KCTD8: variants seen among roughly 807,000 people sequenced by gnomAD.
KCTD8 encodes the protein BTB/POZ domain-containing protein KCTD8.
KCTD8 carries 27 observed loss-of-function variants against 31.5 expected under a neutral mutation model. That is an observed-to-expected ratio of 0.86 (90% CI 0.63 to 1.18). The LOEUF is 1.18. Among genes scored for constraint, KCTD8 ranks in the 50% most tolerant of loss-of-function variants. The pLI is 0.00. For missense variants in KCTD8, 658 were observed against 647.7 expected (o/e 1.02, Z -0.17); for synonymous variants, 290 against 280.0 (o/e 1.04, Z -0.36).
At chr4:44,253,434 G>A (rs1411877467) in intron 1 of KCTD8, among the ~76,000 whole-genome samples, 1 of 151,818 alleles carries the variant, frequency 6.6e-6, no homozygotes, top group Non-Finnish European at 1.5e-5. Context: ...CTATCTCACT[G>A]ATGGTGGAGT....
At chr4:44,409,416 C>A (rs1720898549) in intron 1 of KCTD8, among the ~76,000 whole-genome samples, 1 of 151,960 alleles carries the variant, frequency 6.6e-6, no homozygotes, top group Non-Finnish European at 1.5e-5. Context: ...GTTTGCCTCC[C>A]CTAATAGGCA....
chr4:44,310,696 A>C (rs1233913933), intron 1 of KCTD8, among the ~76,000 whole-genome samples: 1 of 152,168 alleles, frequency 6.6e-6, no homozygotes, highest in Non-Finnish European at 1.5e-5. Context: ...ATTAGTTACC[A>C]CCAATGTGCA....
chr4:44,363,762 G>T (rs1485731874), intron 1 of KCTD8, among the ~76,000 whole-genome samples: 1 of 152,042 alleles, frequency 6.6e-6, no homozygotes, highest in African/African-American at 2.4e-5. Flanking sequence ...ATTCATATCT[G>T]CACTTAAATC....
chr4:44,355,323 G>A (rs1235817764), intron 1 of KCTD8, among the ~76,000 whole-genome samples: 2 of 152,018 alleles, frequency 1.3e-5, no homozygotes, highest in Non-Finnish European at 2.9e-5. Context: ...AAACTATGCA[G>A]TGATAAGGTC....
intron 1 of KCTD8, among the ~76,000 whole-genome samples, chr4:44,396,442 T>C (rs1720505989): frequency 6.7e-6 from 1 of 148,192 alleles, no homozygotes; most frequent in Admixed American, 6.9e-5. Flanking sequence ...CAAGAACTAC[T>C]CAAGGAAAGT....
chr4:44,412,008 G>T (rs773639403), intron 1 of KCTD8, among the ~76,000 whole-genome samples: 6 of 152,094 alleles, frequency 3.9e-5, no homozygotes, highest in Non-Finnish European at 8.8e-5. Flanking sequence ...AATCTACTAC[G>T]CATGGATTAC....
At chr4:44,361,917 C>T (rs1719508198) in intron 1 of KCTD8, among the ~76,000 whole-genome samples, 1 of 151,992 alleles carries the variant, frequency 6.6e-6, no homozygotes. Context: ...AAAGCAATAA[C>T]TGTTAAGTAT....
intron 1 of KCTD8, among the ~76,000 whole-genome samples, chr4:44,439,968 GT>G (rs1721778174): frequency 6.6e-6 from 1 of 151,224 alleles, no homozygotes; most frequent in African/African-American, 2.4e-5. Context: ...GTCTCACTCT[GT>G]TTCCCAGGCT....
At chr4:44,426,009 CAA>C (rs1198004917) in intron 1 of KCTD8, among the ~76,000 whole-genome samples, 1 of 150,178 alleles carries the variant, frequency 6.7e-6, no homozygotes, top group Admixed American at 6.6e-5. Flanking sequence ...CGATAAATAA[CAA>C]GAGGAATTTG....
chr4:44,247,679 A>G (rs764353320), intron 1 of KCTD8, among the ~76,000 whole-genome samples: 1 of 151,786 alleles, frequency 6.6e-6, no homozygotes, highest in Non-Finnish European at 1.5e-5. Context: ...GGATTTGACT[A>G]TTTTAGGTAT....
chr4:44,257,698 A>G (rs1716027967), intron 1 of KCTD8, among the ~76,000 whole-genome samples: 1 of 151,994 alleles, frequency 6.6e-6, no homozygotes, highest in Admixed American at 6.6e-5. Flanking sequence ...CACTGATGTC[A>G]TCGGTGCCAG....
At chr4:44,192,226 A>T (rs1178382840) in intron 1 of KCTD8, among the ~76,000 whole-genome samples, 2 of 152,262 alleles carry the variant, frequency 1.3e-5, no homozygotes, top group African/African-American at 4.8e-5. Flanking sequence ...AAAATCAGAC[A>T]AAAACAAATC....
intron 1 of KCTD8, among the ~76,000 whole-genome samples, chr4:44,404,321 G>A (rs1720735103): frequency 6.6e-6 from 1 of 151,980 alleles, no homozygotes; most frequent in African/African-American, 2.4e-5. Context: ...TAAATTCCTT[G>A]CTATGTTCTT....
At chr4:44,200,819 A>G (rs961522460) in intron 1 of KCTD8, among the ~76,000 whole-genome samples, 1 of 152,078 alleles carries the variant, frequency 6.6e-6, no homozygotes, top group African/African-American at 2.4e-5. Flanking sequence ...CAATCAGGTA[A>G]GAGAAAAAAG....
intron 1 of KCTD8, among the ~76,000 whole-genome samples, chr4:44,377,489 G>A (rs898732447): frequency 6.6e-6 from 1 of 152,174 alleles, no homozygotes; most frequent in African/African-American, 2.4e-5. Flanking sequence ...GGGGTCCTGA[G>A]TGCCTCAAGC....
intron 1 of KCTD8, among the ~76,000 whole-genome samples, chr4:44,392,041 T>G: frequency 6.6e-6 from 1 of 152,110 alleles, no homozygotes; most frequent in East Asian, 1.9e-4. Context: ...ACTGTCAGAA[T>G]TTCAGAAACA....
chr4:44,339,151 A>AACTC (rs1318058832), intron 1 of KCTD8, among the ~76,000 whole-genome samples: 1 of 152,232 alleles, frequency 6.6e-6, no homozygotes, highest in African/African-American at 2.4e-5. Context: ...TATTAACAGT[A>AACTC]ACTCATGTCT....
chr4:44,394,652 C>T (rs763637326), intron 1 of KCTD8, among the ~76,000 whole-genome samples: 1 of 151,966 alleles, frequency 6.6e-6, no homozygotes, highest in African/African-American at 2.4e-5. Flanking sequence ...TAATTTGACC[C>T]ACACAATTTT....
At chr4:44,257,555 TTTTC>T (rs1471549703) in intron 1 of KCTD8, among the ~76,000 whole-genome samples, 2 of 151,988 alleles carry the variant, frequency 1.3e-5, no homozygotes, top group East Asian at 1.9e-4. Flanking sequence ...ATGACAATGT[TTTTC>T]TTTCTAATTA....
Sources: allele counts gnomAD v4.1 joint callset (sites outside exome capture counted in the v4.1 genomes callset), GRCh38; gene constraint gnomAD v4.1.1; transcripts MANE v1.5; gene names NCBI Gene and HGNC (gene_info 2026-07-23, HGNC 2026-07-21).